NALF1: variants seen among roughly 807,000 people sequenced by gnomAD.
NALF1 encodes NALCN channel auxiliary factor 1.
In NALF1, 3 loss-of-function variants were observed where a neutral mutation model predicts 48.4. That is an observed-to-expected ratio of 0.06 (90% CI 0.03 to 0.16). The LOEUF (loss-of-function observed/expected upper bound fraction) is 0.16. Among genes scored for constraint, NALF1 ranks in the 10% least tolerant of loss-of-function variants. The probability of loss-of-function intolerance (pLI) is 1.00; values close to 1 mark genes in which losing one functional copy is unlikely to be tolerated. For missense variants in NALF1, 526 were observed against 571.5 expected (o/e 0.92, Z 0.81); for synonymous variants, 262 against 245.7 (o/e 1.07, Z -0.62).
intron 1 of NALF1, among the ~76,000 whole-genome samples, chr13:107,239,187 G>A (rs983109211): frequency 6.6e-6 from 1 of 152,128 alleles, no homozygotes; most frequent in East Asian, 1.9e-4. Flanking sequence ...ATCCAACTGA[G>A]TGACTTAAAG....
intron 1 of NALF1, among the ~76,000 whole-genome samples, chr13:107,666,199 T>C (rs1337211517): frequency 6.6e-6 from 1 of 152,140 alleles, no homozygotes; most frequent in Non-Finnish European, 1.5e-5. Flanking sequence ...AACACTCTCA[T>C]AATAACCGGA....
At chr13:107,670,240 TA>T (rs1288261506) in intron 1 of NALF1, among the ~76,000 whole-genome samples, 1 of 151,862 alleles carries the variant, frequency 6.6e-6, no homozygotes, top group Non-Finnish European at 1.5e-5. Context: ...TATTGACGAG[TA>T]AAATAGTCCT....
At chr13:107,314,575 A>T (rs1882108614) in intron 1 of NALF1, among the ~76,000 whole-genome samples, 2 of 152,046 alleles carry the variant, frequency 1.3e-5, no homozygotes, top group South Asian at 4.2e-4. Flanking sequence ...TGTACTCTTG[A>T]CTCTTCCTCT....
chr13:107,205,445 T>G (rs1173014534), intron 2 of NALF1, among the ~76,000 whole-genome samples: 1 of 152,110 alleles, frequency 6.6e-6, no homozygotes, highest in East Asian at 1.9e-4. Context: ...TTCCGTTGCC[T>G]GCAGGCAGTG....
intron 2 of NALF1, among the ~76,000 whole-genome samples, chr13:107,193,730 T>C (rs1879328404): frequency 6.6e-6 from 1 of 152,182 alleles, no homozygotes; most frequent in African/African-American, 2.4e-5. Flanking sequence ...CATGAGACTC[T>C]AGCGCCACGT....
chr13:107,445,816 C>A (rs899068261), intron 1 of NALF1, among the ~76,000 whole-genome samples: 8 of 152,010 alleles, frequency 5.3e-5, no homozygotes, highest in Non-Finnish European at 1.2e-4. Context: ...TCCCAAATGG[C>A]TATTGGTGAT....
At chr13:107,340,535 T>A (rs1321858237) in intron 1 of NALF1, among the ~76,000 whole-genome samples, 1 of 147,750 alleles carries the variant, frequency 6.8e-6, no homozygotes, top group Non-Finnish European at 1.5e-5. Flanking sequence ...TTTTTTTTTT[T>A]AATATCAAGC....
intron 1 of NALF1, among the ~76,000 whole-genome samples, chr13:107,409,779 T>C (rs1006717863): frequency 1.2e-4 from 19 of 152,204 alleles, no homozygotes; most frequent in African/African-American, 4.1e-4. Context: ...AAGTAAATTA[T>C]AGATCTGGAT....
intron 1 of NALF1, among the ~76,000 whole-genome samples, chr13:107,435,661 G>A (rs1204746835): frequency 6.6e-6 from 1 of 152,092 alleles, no homozygotes; most frequent in African/African-American, 2.4e-5. Flanking sequence ...ATGGTACAGT[G>A]TTCTCAAAGA....
intron 1 of NALF1, among the ~76,000 whole-genome samples, chr13:107,315,309 C>A (rs926745717): frequency 6.6e-6 from 1 of 152,070 alleles, no homozygotes; most frequent in African/African-American, 2.4e-5. Flanking sequence ...CCAGACCCTC[C>A]GCACTAAATA....
At chr13:107,224,091 A>C (rs1876803214) in intron 1 of NALF1, among the ~76,000 whole-genome samples, 1 of 152,158 alleles carries the variant, frequency 6.6e-6, no homozygotes, top group Non-Finnish European at 1.5e-5. Flanking sequence ...ATTGAAAACT[A>C]TAATCAATGG....
At chr13:107,192,990 A>G (rs1037721050) in intron 2 of NALF1, among the ~76,000 whole-genome samples, 5 of 152,332 alleles carry the variant, frequency 3.3e-5, no homozygotes, top group African/African-American at 1.2e-4. Flanking sequence ...AATAAAAAAG[A>G]AAAAATCCTA....
At chr13:107,330,336 T>A (rs1882445883) in intron 1 of NALF1, among the ~76,000 whole-genome samples, 1 of 152,230 alleles carries the variant, frequency 6.6e-6, no homozygotes, top group Non-Finnish European at 1.5e-5. Flanking sequence ...ATTGTCTCCA[T>A]TATACGTAAT....
intron 1 of NALF1, among the ~76,000 whole-genome samples, chr13:107,287,794 C>T (rs553877362): frequency 1.3e-4 from 20 of 151,128 alleles, no homozygotes; most frequent in African/African-American, 4.8e-4. Context: ...CAACCTCCAC[C>T]TCCCAGGTTC....
intron 1 of NALF1, among the ~76,000 whole-genome samples, chr13:107,401,522 T>C (rs1035933759): frequency 3.9e-5 from 6 of 152,184 alleles, no homozygotes; most frequent in Non-Finnish European, 8.8e-5. Flanking sequence ...TCACAACAAA[T>C]ACTGGAGATA....
intron 1 of NALF1, among the ~76,000 whole-genome samples, chr13:107,814,620 C>T (rs1365751172): frequency 6.6e-6 from 1 of 152,086 alleles, no homozygotes; most frequent in Non-Finnish European, 1.5e-5. Flanking sequence ...AAAGGGTCAT[C>T]TCATCAGGAG....
intron 1 of NALF1, among the ~76,000 whole-genome samples, chr13:107,345,887 C>T (rs188450558): frequency 6.6e-6 from 1 of 152,206 alleles, no homozygotes; most frequent in Admixed American, 6.6e-5. Flanking sequence ...ACAAAAAGAT[C>T]TTGCAACTCA....
At chr13:107,832,288 TTATATA>T (rs1879758152) in intron 1 of NALF1, among the ~76,000 whole-genome samples, 1 of 151,828 alleles carries the variant, frequency 6.6e-6, no homozygotes, top group African/African-American at 2.4e-5. Context: ...AAAAAAGATA[TTATATA>T]TCATTCATAG....
At chr13:107,661,452 G>A (rs572536442) in intron 1 of NALF1, among the ~76,000 whole-genome samples, 2 of 152,280 alleles carry the variant, frequency 1.3e-5, no homozygotes, top group East Asian at 1.9e-4. Context: ...TAGAGAAGAC[G>A]TTATCACAGA....
Sources: allele counts gnomAD v4.1 joint callset (sites outside exome capture counted in the v4.1 genomes callset), GRCh38; gene constraint gnomAD v4.1.1; transcripts MANE v1.5; gene names NCBI Gene and HGNC (gene_info 2026-07-23, HGNC 2026-07-21).